Variants in KLHL8 observed in about 807,000 individuals in gnomAD.
KLHL8 encodes kelch-like protein 8.
In KLHL8, 38 loss-of-function variants were observed where a neutral mutation model predicts 63.5. The ratio of observed to expected loss-of-function variants is 0.60; its 90% CI spans 0.46 to 0.78. The LOEUF (loss-of-function observed/expected upper bound fraction) is 0.78, where lower values mean the gene tolerates loss of function less well. Ranked by LOEUF, KLHL8 falls within the 30% of genes least tolerant of loss-of-function variation. The probability of loss-of-function intolerance (pLI) is 0.00; values close to 1 mark genes in which losing one functional copy is unlikely to be tolerated. For synonymous variants in KLHL8, 224 were observed against 254.3 expected (o/e 0.88, Z 1.13); for missense variants, 566 against 752.4 (o/e 0.75, Z 2.90).
At chr4:87,224,838 CAT>C (rs1393682874), upstream of KLHL8, among the ~76,000 whole-genome samples, 3 of 152,176 alleles carry the variant, frequency 2.0e-5, no homozygotes, top group Non-Finnish European at 2.9e-5. Context: ...ATCAGCCTGA[CAT>C]AGGTATCTCT....
chr4:87,165,179 GA>G (rs1232273817), intron 8 of KLHL8, among the ~76,000 whole-genome samples: 4 of 129,786 alleles, frequency 3.1e-5, no homozygotes, highest in East Asian at 2.2e-4. Context: ...AAAAAGGTCA[GA>G]AAAAAAAATT....
intron 6 of KLHL8, among the ~76,000 whole-genome samples, chr4:87,173,901 T>TAGC (rs1730722507): frequency 5.0e-3 from 1 of 200 alleles, no homozygotes; most frequent in Non-Finnish European, 0.062. Context: ...TAAGACTAGC[T>TAGC]TTTTTTTTTT....
At chr4:87,176,646 G>T in intron 6 of KLHL8, 111 bp downstream of exon 6, 1 of 645,500 alleles carries the variant, frequency 1.5e-6, no homozygotes, top group East Asian at 2.8e-5. Flanking sequence ...ATGTGTTTGA[G>T]AAGGTATTTA....
At chr4:87,201,816 C>T (rs1422379736) in intron 1 of KLHL8, among the ~76,000 whole-genome samples, 1 of 152,108 alleles carries the variant, frequency 6.6e-6, no homozygotes, top group Non-Finnish European at 1.5e-5. Flanking sequence ...TTAGAAATTT[C>T]TTCATTAAGT....
chr4:87,166,271 G>T (rs1409900737), intron 8 of KLHL8, among the ~76,000 whole-genome samples: 1 of 152,218 alleles, frequency 6.6e-6, no homozygotes, highest in African/African-American at 2.4e-5. Context: ...AGCACTGAAA[G>T]ATTCAGCATT....
chr4:87,213,241 G>A (rs1206717633), intron 1 of KLHL8, among the ~76,000 whole-genome samples: 8 of 152,012 alleles, frequency 5.3e-5, no homozygotes, highest in African/African-American at 1.7e-4. Context: ...CTAAATATGC[G>A]AACTACATGC....
At chr4:87,166,160 C>A (rs534949058) in intron 8 of KLHL8, among the ~76,000 whole-genome samples, 11 of 152,292 alleles carry the variant, frequency 7.2e-5, no homozygotes, top group African/African-American at 2.6e-4. Context: ...GTAAATTATT[C>A]ATTCTCTCTG....
chr4:87,224,125 G>A (rs34866389), upstream of KLHL8, among the ~76,000 whole-genome samples: 6,403 of 151,928 alleles, frequency 0.042, 424 homozygotes, highest in African/African-American at 0.15. Flanking sequence ...GCAATGGCAC[G>A]ATCTTGGCTT....
At chr4:87,226,076 GA>G (rs1391353806) in intron 1 of KLHL8, among the ~76,000 whole-genome samples, 1 of 151,916 alleles carries the variant, frequency 6.6e-6, no homozygotes, top group South Asian at 2.1e-4. Flanking sequence ...TTAGTTACCA[GA>G]AAAAAACACA....
At chr4:87,169,478 C>A (rs536424649) in intron 8 of KLHL8, among the ~76,000 whole-genome samples, 13 of 152,278 alleles carry the variant, frequency 8.5e-5, no homozygotes, top group African/African-American at 3.1e-4. Context: ...TAATCCCCTT[C>A]TTTAAATAAA....
At chr4:87,218,301 G>A in intron 1 of KLHL8, among the ~76,000 whole-genome samples, 1 of 150,900 alleles carries the variant, frequency 6.6e-6, no homozygotes, top group Admixed American at 6.6e-5. Context: ...GCAGCTGCGT[G>A]ATCTCAGCTC....
intron 4 of KLHL8, among the ~76,000 whole-genome samples, chr4:87,179,769 CCT>C (rs1321509004): frequency 1.3e-5 from 2 of 151,752 alleles, no homozygotes; most frequent in African/African-American, 2.4e-5. Flanking sequence ...GGAGTGAGAC[CCT>C]GTCTCTAAAA....
At chr4:87,205,888 G>C (rs1732108528) in intron 1 of KLHL8, among the ~76,000 whole-genome samples, 1 of 152,154 alleles carries the variant, frequency 6.6e-6, no homozygotes, top group Non-Finnish European at 1.5e-5. Flanking sequence ...TAGGCAGCAG[G>C]GCTCCCCAGC....
chr4:87,198,783 A>G (rs1731799272), intron 1 of KLHL8, among the ~76,000 whole-genome samples: 2 of 152,340 alleles, frequency 1.3e-5, no homozygotes, highest in East Asian at 3.9e-4. Flanking sequence ...ACACATACAC[A>G]CAAATGAATG....
rs1730175356 is a variant in KLHL8 at position 87,161,578 on chromosome 4, CAAT to C, written c.*1938_*1940del. The C allele has an allele frequency of 6.6e-6, 1 of 152,062 alleles. No individual in the cohort carries two copies. Among genetic ancestry groups the C allele is most frequent in the Non-Finnish European group, 1.5e-5 (1 of 67,990 alleles). 9.4% of individuals were successfully genotyped at this position (152,062 alleles called of 1,614,324 possible). ...AAACATTTTAAATAATCTCAGGAAA[CAAT>C]AACAAGATCCTCTCCCCGAAAATAA... On this transcript the variant is annotated 3_prime_UTR_variant, in exon 10 of 10. Transcript: ENST00000273963.
chr4:87,180,997 T>C (rs1235779315), intron 4 of KLHL8, among the ~76,000 whole-genome samples: 2 of 152,102 alleles, frequency 1.3e-5, no homozygotes, highest in Non-Finnish European at 2.9e-5. Context: ...GATTGCACCA[T>C]TGCATTCCAG....
At chr4:87,197,628 C>G (rs184072092) in intron 1 of KLHL8, among the ~76,000 whole-genome samples, 1 of 152,076 alleles carries the variant, frequency 6.6e-6, no homozygotes, top group Non-Finnish European at 1.5e-5. Context: ...TTATTTTAAG[C>G]CACTAAATTG....
At chr4:87,165,882 T>A (rs1278736656) in intron 8 of KLHL8, among the ~76,000 whole-genome samples, 1 of 152,220 alleles carries the variant, frequency 6.6e-6, no homozygotes, top group African/African-American at 2.4e-5. Context: ...TTGTACCTGT[T>A]TTAAGTAGAA....
intron 2 of KLHL8, among the ~76,000 whole-genome samples, chr4:87,190,530 G>C (rs1228616914): frequency 6.6e-6 from 1 of 151,890 alleles, no homozygotes; most frequent in Non-Finnish European, 1.5e-5. Flanking sequence ...TATAATCCCA[G>C]CTACTCGGGG....
Sources: allele counts gnomAD v4.1 joint callset (sites outside exome capture counted in the v4.1 genomes callset), GRCh38; gene constraint gnomAD v4.1.1; transcripts MANE v1.5; gene names NCBI Gene and HGNC (gene_info 2026-07-23, HGNC 2026-07-21).